The following THNSL1 variants were observed in gnomAD, a reference collection of about 807,000 sequenced individuals.
THNSL1 encodes threonine synthase like 1.
In THNSL1, 48 loss-of-function variants were observed where a neutral mutation model predicts 50.4. The observed-to-expected ratio is 0.95, with a 90% CI of 0.76 to 1.21. THNSL1 has a LOEUF of 1.21. Ranked by LOEUF, THNSL1 falls within the 50% of genes most tolerant of loss-of-function variation. The probability of loss-of-function intolerance (pLI) is 0.00; values close to 1 mark genes in which losing one functional copy is unlikely to be tolerated. For missense variants in THNSL1, 896 were observed against 871.7 expected (o/e 1.03, Z -0.35); for synonymous variants, 309 against 306.1 (o/e 1.01, Z -0.10).
At chr10:24,964,997 G>T in the THNSL1 span, among the ~76,000 whole-genome samples, 4 of 151,622 alleles carry the variant, frequency 2.6e-5, no homozygotes, top group East Asian at 7.7e-4. Flanking sequence ...GGAGGTTGAG[G>T]CTACAGTGAG....
chr10:24,989,569 G>T, the THNSL1 span, among the ~76,000 whole-genome samples: 1 of 152,012 alleles, frequency 6.6e-6, no homozygotes, highest in Non-Finnish European at 1.5e-5. Flanking sequence ...TAATTAAATT[G>T]CACAATACTC....
At chr10:24,980,903 GT>G in the THNSL1 span, among the ~76,000 whole-genome samples, 2,980 of 49,324 alleles carry the variant, frequency 0.06, 114 homozygotes, top group African/African-American at 0.26. Flanking sequence ...TTTTAGTACA[GT>G]GAAACAGTGT....
the THNSL1 span, among the ~76,000 whole-genome samples, chr10:24,966,251 T>C: frequency 2.0e-5 from 3 of 152,226 alleles, no homozygotes; most frequent in Non-Finnish European, 2.9e-5. Context: ...CAATGCCACC[T>C]TTATATTTAA....
chr10:25,015,860 C>G (rs367631651), upstream of THNSL1: 7 of 1,603,026 alleles, frequency 4.4e-6, no homozygotes, highest in African/African-American at 1.3e-5. Flanking sequence ...ATCCACATAC[C>G]TAGGAGGCTG....
the THNSL1 span, among the ~76,000 whole-genome samples, chr10:24,991,410 G>A: frequency 6.6e-6 from 1 of 151,852 alleles, no homozygotes; most frequent in Non-Finnish European, 1.5e-5. Flanking sequence ...AAAACCCCCC[G>A]AGACCCTAGC....
chr10:24,956,468 T>TA, the THNSL1 span, among the ~76,000 whole-genome samples: 824 of 152,066 alleles, frequency 5.4e-3, 9 homozygotes, highest in African/African-American at 0.018. Context: ...TTTATTTATT[T>TA]TTTTTTTTTG....
At chr10:24,964,773 A>T in the THNSL1 span, among the ~76,000 whole-genome samples, 2 of 152,200 alleles carry the variant, frequency 1.3e-5, no homozygotes, top group East Asian at 1.9e-4. Context: ...TTGACATAAA[A>T]CTGTCCAGGC....
chr10:24,999,323 T>C, the THNSL1 span: 4 of 1,389,762 alleles, frequency 2.9e-6, no homozygotes, highest in South Asian at 5.4e-5. Context: ...GCATGTTTAA[T>C]ATTCATCAAC....
the THNSL1 span, among the ~76,000 whole-genome samples, chr10:25,005,129 T>A: frequency 0.017 from 2,588 of 152,264 alleles, 69 homozygotes; most frequent in African/African-American, 0.059. Context: ...TGTCTGTTCT[T>A]GTACCAGTAC....
the THNSL1 span, among the ~76,000 whole-genome samples, chr10:24,971,116 T>C: frequency 2.6e-5 from 4 of 152,098 alleles, no homozygotes; most frequent in Non-Finnish European, 5.9e-5. Flanking sequence ...TTTTTTTTTT[T>C]TGAGACAGGG....
the THNSL1 span, chr10:24,984,382 GAAAAA>G: frequency 6.4e-6 from 9 of 1,397,860 alleles, no homozygotes; most frequent in South Asian, 3.2e-5. Flanking sequence ...ATGCGCTGCA[GAAAAA>G]AAAAAAAAAA....
chr10:24,997,310 C>A, the THNSL1 span, among the ~76,000 whole-genome samples: 1 of 151,866 alleles, frequency 6.6e-6, no homozygotes, highest in African/African-American at 2.4e-5. Context: ...ACTCCTAGTT[C>A]TCCAGAACTG....
the THNSL1 span, among the ~76,000 whole-genome samples, chr10:25,003,888 C>T: frequency 2.0e-5 from 3 of 152,308 alleles, no homozygotes; most frequent in East Asian, 5.8e-4. Flanking sequence ...CATGTGTTAT[C>T]ACCATTTAGC....
chr10:24,956,487 A>G, the THNSL1 span, among the ~76,000 whole-genome samples: 1 of 132,320 alleles, frequency 7.6e-6, no homozygotes, highest in Non-Finnish European at 1.6e-5. Flanking sequence ...TGGTGTTTAT[A>G]TTGTGTTTAC....
the THNSL1 span, chr10:24,952,661 TGGGGAC>T: frequency 0.22 from 19,613 of 90,516 alleles, 3,551 homozygotes; most frequent in African/African-American, 0.59. This position sits in a 1 kb window ranked among gnomAD's most constrained non-coding sequence, Gnocchi z 5.1. Context: ...GACGTGGGGA[TGGGGAC>T]GGGGACGGGG....
At chr10:25,021,247 T>C (rs1243586393) in intron 1 of THNSL1, among the ~76,000 whole-genome samples, 1 of 152,232 alleles carries the variant, frequency 6.6e-6, no homozygotes, top group Non-Finnish European at 1.5e-5. Flanking sequence ...GCTTTGATTT[T>C]ATTATAGACA....
chr10:24,981,394 G>T, the THNSL1 span, among the ~76,000 whole-genome samples: 1 of 152,038 alleles, frequency 6.6e-6, no homozygotes, highest in South Asian at 2.1e-4. Context: ...CCAAATTTTT[G>T]CCAGTTACTA....
At chr10:25,017,824 T>A (rs377690460) in intron 1 of THNSL1, among the ~76,000 whole-genome samples, 55 of 152,138 alleles carry the variant, frequency 3.6e-4, no homozygotes, top group African/African-American at 1.3e-3. Context: ...GGGATTTCTG[T>A]TTAGCAAGTA....
chr10:24,960,560 G>A, the THNSL1 span, among the ~76,000 whole-genome samples: 1,987 of 151,900 alleles, frequency 0.013, 23 homozygotes, highest in Non-Finnish European at 0.018. Flanking sequence ...CCGAGAAGCT[G>A]GGATTACAGG....
Sources: allele counts gnomAD v4.1 joint callset (sites outside exome capture counted in the v4.1 genomes callset), GRCh38; gene constraint gnomAD v4.1.1; non-coding constraint Gnocchi (gnomAD v3.1); transcripts MANE v1.5; gene names NCBI Gene and HGNC (gene_info 2026-07-23, HGNC 2026-07-21).